The following ASTN2 variants were observed in gnomAD, a reference collection of about 807,000 sequenced individuals.
The protein encoded by ASTN2 is astrotactin 2.
Under a neutral mutation model 139.8 loss-of-function variants are expected in ASTN2, and 54 were observed. The observed-to-expected ratio is 0.39, with a 90% CI of 0.31 to 0.48. ASTN2 has a LOEUF of 0.48. ASTN2 is among the 20% of genes least tolerant of loss of function. The pLI, the probability that ASTN2 is intolerant of heterozygous loss-of-function variation, is 0.95. For missense variants in ASTN2, 1,565 were observed against 1,725.1 expected (o/e 0.91, Z 1.64); for synonymous variants, 756 against 719.5 (o/e 1.05, Z -0.81).
At chr9:116,896,016 TAAAC>T (rs1833871050) in intron 10 of ASTN2, among the ~76,000 whole-genome samples, 1 of 152,120 alleles carries the variant, frequency 6.6e-6, no homozygotes, top group South Asian at 2.1e-4. Flanking sequence ...GACAAACAAA[TAAAC>T]AAATAGTCAG....
chr9:116,771,612 A>G (rs901401000), intron 13 of ASTN2, among the ~76,000 whole-genome samples: 1 of 152,214 alleles, frequency 6.6e-6, no homozygotes, highest in African/African-American at 2.4e-5. Context: ...AATTCATCTC[A>G]GTGTGTACTG....
chr9:117,372,505 C>T (rs574199403), intron 1 of ASTN2, among the ~76,000 whole-genome samples: 37 of 152,232 alleles, frequency 2.4e-4, no homozygotes, highest in Non-Finnish European at 4.9e-4. Flanking sequence ...TGCCTATTAG[C>T]TATGTATATT....
In ASTN2 at chr9:116,813,402, G is replaced by T. The variant is rs181689692; in HGVS notation, c.2207+7215C>A. Among the ~76,000 whole-genome samples the T allele has an allele frequency of 3.1e-4, 47 of 152,282 alleles. 1 individual carries two copies. The highest frequency in any genetic ancestry group is 1.1e-3 in the African/African-American group (44 of 41,562). ...CTTTCATTCCAACATTGTCACAGAG[G>T]ATCCTGAGGCTTGGGACATCTAAGC... On this transcript the variant is annotated intron_variant, in intron 12 of 22. Transcript: ENST00000313400.
chr9:117,307,521 A>AC (rs1266295481), intron 1 of ASTN2, among the ~76,000 whole-genome samples: 2 of 152,232 alleles, frequency 1.3e-5, no homozygotes, highest in African/African-American at 4.8e-5. Context: ...CAGTGTTCAC[A>AC]GGGATATGTA....
chr9:117,012,153 C>T (rs149514109), intron 6 of ASTN2, among the ~76,000 whole-genome samples: 119 of 152,294 alleles, frequency 7.8e-4, no homozygotes, highest in Middle Eastern at 3.4e-3. Flanking sequence ...TTCACTTCAT[C>T]ATGGAATTGT....
intron 16 of ASTN2, chr9:116,686,660 C>A: frequency 6.5e-7 from 1 of 1,544,266 alleles, no homozygotes; most frequent in Non-Finnish European, 8.8e-7. Context: ...CCACCTTCAC[C>A]CGAGCAAAAC....
At chr9:116,988,957 G>T (rs1836762563) in intron 7 of ASTN2, among the ~76,000 whole-genome samples, 1 of 152,120 alleles carries the variant, frequency 6.6e-6, no homozygotes, top group Non-Finnish European at 1.5e-5. Flanking sequence ...TTATTCATGA[G>T]AATGCCATGA....
chr9:116,751,517 T>A (rs116149169), intron 13 of ASTN2, among the ~76,000 whole-genome samples: 4,848 of 152,030 alleles, frequency 0.032, 255 homozygotes, highest in African/African-American at 0.11. Context: ...CACATTATAC[T>A]GTGTGCTCCA....
intron 2 of ASTN2, among the ~76,000 whole-genome samples, chr9:117,284,711 C>T (rs190627035): frequency 4.3e-4 from 66 of 152,294 alleles, no homozygotes; most frequent in African/African-American, 1.5e-3. Context: ...AGAGTAATGA[C>T]ATTTATAGAA....
intron 1 of ASTN2, among the ~76,000 whole-genome samples, chr9:117,379,124 C>A (rs1315076073): frequency 1.3e-5 from 2 of 152,094 alleles, no homozygotes; most frequent in African/African-American, 4.8e-5. Flanking sequence ...ACAATTAAAC[C>A]TCTTTTATTT....
intron 3 of ASTN2, among the ~76,000 whole-genome samples, chr9:117,173,842 T>C (rs1830850810): frequency 6.6e-6 from 1 of 151,718 alleles, no homozygotes; most frequent in African/African-American, 2.4e-5. Context: ...AAAGAAAATA[T>C]GATAAAAATT....
chr9:117,266,937 G>A (rs569558300), intron 2 of ASTN2, among the ~76,000 whole-genome samples: 11 of 152,254 alleles, frequency 7.2e-5, no homozygotes, highest in South Asian at 2.1e-4. Flanking sequence ...CTTCTTGAGC[G>A]TATGCTGGAT....
intron 12 of ASTN2, among the ~76,000 whole-genome samples, chr9:116,816,605 A>G (rs1831336025): frequency 6.6e-6 from 1 of 152,174 alleles, no homozygotes; most frequent in African/African-American, 2.4e-5. Flanking sequence ...GGGAATGGCA[A>G]TGAAGACATG....
intron 19 of ASTN2, among the ~76,000 whole-genome samples, chr9:116,564,997 A>T (rs2131671892): frequency 6.6e-6 from 1 of 152,182 alleles, no homozygotes; most frequent in South Asian, 2.1e-4. Flanking sequence ...GTACAAACCT[A>T]AGCCAGCTAG....
At chr9:117,093,606 C>T (rs1828760665) in intron 5 of ASTN2, among the ~76,000 whole-genome samples, 1 of 152,070 alleles carries the variant, frequency 6.6e-6, no homozygotes, top group South Asian at 2.1e-4. Flanking sequence ...CTGAAGGCAC[C>T]CTAACTCCTG....
At chr9:116,599,333 T>G (rs1854747951) in intron 19 of ASTN2, among the ~76,000 whole-genome samples, 1 of 152,334 alleles carries the variant, frequency 6.6e-6, no homozygotes. Flanking sequence ...TAGCCACTGG[T>G]TTGCTATCTC....
At chr9:117,208,308 C>T (rs1371220850) in intron 3 of ASTN2, among the ~76,000 whole-genome samples, 1 of 151,206 alleles carries the variant, frequency 6.6e-6, no homozygotes, top group Non-Finnish European at 1.5e-5. Context: ...GAGATAGATA[C>T]CATAAAAAAG....
chr9:116,820,446 C>A (rs1394483762), intron 12 of ASTN2, among the ~76,000 whole-genome samples, 171 bp downstream of exon 12: 1 of 152,180 alleles, frequency 6.6e-6, no homozygotes, highest in Non-Finnish European at 1.5e-5. Flanking sequence ...ACCCACCCAA[C>A]AGAAGGTTAT....
chr9:117,141,159 T>A (rs1830065284), intron 4 of ASTN2, among the ~76,000 whole-genome samples, 167 bp downstream of exon 4: 1 of 152,124 alleles, frequency 6.6e-6, no homozygotes, highest in Non-Finnish European at 1.5e-5. Flanking sequence ...TAGCTCTGGG[T>A]GTAGGGAGCA....
Sources: gnomAD v4.1 joint callset for allele counts (sites outside exome capture counted in the v4.1 genomes callset) on GRCh38, gnomAD v4.1.1 for gene constraint, MANE v1.5 for transcripts, NCBI Gene and HGNC (gene_info 2026-07-23, HGNC 2026-07-21) for gene names.